The following MAPK3 variants were observed in gnomAD, a reference collection of about 807,000 sequenced individuals.
The protein encoded by MAPK3 is MAPK 1.
Under a neutral mutation model 41.8 loss-of-function variants are expected in MAPK3, and 30 were observed. That is an observed-to-expected ratio of 0.72 (90% confidence interval 0.54 to 0.97). The LOEUF (loss-of-function observed/expected upper bound fraction) is 0.97, where lower values mean the gene tolerates loss of function less well. Ranked by LOEUF, MAPK3 falls within the 50% of genes least tolerant of loss-of-function variation. The pLI is 0.00. For synonymous variants in MAPK3, 222 were observed against 213.4 expected (o/e 1.04, Z -0.35); for missense variants, 413 against 509.9 (o/e 0.81, Z 1.83).
Position 30,122,003 on chromosome 16 carries a change from C to A in MAPK3, c.174G>T (p.Ser58=). 6.2e-7 allele frequency: 1 copy of A among 1,613,952 alleles called. No individual in the cohort carries two copies. The highest frequency in any genetic ancestry group is 8.5e-7 in the Non-Finnish European group (1 of 1,180,026). The change falls in exon 2 of 9, where the codon TCG becomes TCT. Residue 58 remains serine (S), a synonymous_variant. Transcript: ENST00000263025. Reference sequence around the variant, plus strand: ...GAGTCTTGCGCACGTGGTCATAGGCCGAGCTGAGGGGACCGGAGAGAGGCT... The same window carrying A: ...GAGTCTTGCGCACGTGGTCATAGGCAGAGCTGAGGGGACCGGAGAGAGGCT... ...IGEGAYGMVS[S]AYDHVRKTRV...
In MAPK3 at chr16:30,123,201, C is replaced by T; in HGVS notation, c.9G>A (p.Ala3=). MA[A]AAAQGGGGGE... is the part of the protein sequence containing the mutation. Reference sequence around the variant, plus strand: ...CGCCCCCGCCCCCCTGAGCCGCCGCCGCCGCCATCTCCACTCCTCCCCTCC... The same window carrying T: ...CGCCCCCGCCCCCCTGAGCCGCCGCTGCCGCCATCTCCACTCCTCCCCTCC... The change falls in exon 1 of 9, where the codon GCG becomes GCA. Residue 3 remains alanine, a synonymous_variant. Transcript: ENST00000263025. 2 of 1,249,768 alleles carry T rather than the reference C, an allele frequency of 1.6e-6. No individual in the cohort carries two copies. The highest frequency in any genetic ancestry group is 2.1e-6 in the Non-Finnish European group (2 of 943,542). 77.4% of individuals were successfully genotyped at this position (1,249,768 alleles called of 1,614,324 possible). A position where few individuals can be genotyped will look rare whatever the true frequency, so the allele number is the denominator to read the frequency against.
rs2072929776 is a variant in MAPK3, at chr16:30,114,144, G to A, written c.*597C>T. On this transcript the variant is annotated 3_prime_UTR_variant, in exon 9 of 9. Transcript: ENST00000263025. ...ATCTCTATATTTATATATTAGACGG[G>A]TCAGGGAGGTGGCAGGGGCGCCGGG... 1 of 152,286 alleles carries A rather than the reference G, an allele frequency of 6.6e-6. No homozygotes were observed. The highest frequency in any genetic ancestry group is 1.5e-5 in the Non-Finnish European group (1 of 68,100). 9.4% of individuals were successfully genotyped at this position (152,286 alleles called of 1,614,324 possible). A position where few individuals can be genotyped will look rare whatever the true frequency, so the allele number is the denominator to read the frequency against.
chr16:30,115,756 A>AT (rs544098757), intron 8 of MAPK3: 5,361 of 134,452 alleles, frequency 0.04, 327 homozygotes, highest in African/African-American at 0.13. Flanking sequence ...AGCCTTGGGC[A>AT]TTTTTTTTTT....
At chr16:30,120,310 G>T (rs2151046902) in intron 2 of MAPK3, among the ~76,000 whole-genome samples, 1 of 152,308 alleles carries the variant, frequency 6.6e-6, no homozygotes. Flanking sequence ...CAGCGAGCTG[G>T]GGGTGAGCAC....
intron 1 of MAPK3, chr16:30,122,253 T>C: frequency 1.8e-6 from 1 of 562,996 alleles, no homozygotes; most frequent in East Asian, 3.1e-5. Context: ...TGACTTCCCC[T>C]CTCCTCAATC....
At chr16:30,119,301 TG>T (rs1424290362) in intron 2 of MAPK3, among the ~76,000 whole-genome samples, 2 of 152,020 alleles carry the variant, frequency 1.3e-5, no homozygotes, top group Non-Finnish European at 1.5e-5. Context: ...GGGGAAATAA[TG>T]TTTTTTTGTT....
At chr16:30,122,970 G>A in intron 1 of MAPK3, 70 bp downstream of exon 1, 1 of 1,288,396 alleles carries the variant, frequency 7.8e-7, no homozygotes, top group Non-Finnish European at 1.0e-6. Flanking sequence ...AAAGCGCTCG[G>A]CGCCTCCTCC....
chr16:30,123,030 GC>G lies in MAPK3; in HGVS notation c.170+9del, dbSNP rs2073033148. ...CTGAGGGCACCCCCTCCCCCGGAAC[GC>G]CCCCTCACCTGACCATGCCGTACGC... On this transcript the variant is annotated intron_variant, in intron 1 of 8. Coordinates refer to ENST00000263025, the MANE Select transcript of MAPK3 (RefSeq NM_002746.3). The G allele has an allele frequency of 4.7e-6, 5 of 1,062,466 alleles. No individual in the cohort carries two copies. The highest frequency in any genetic ancestry group is 4.9e-6 in the Non-Finnish European group (4 of 823,010). The allele number at this position is 1,062,466 out of a possible 1,614,324, so 65.8% of individuals were successfully genotyped here. A position where few individuals can be genotyped will look rare whatever the true frequency, so the allele number is the denominator to read the frequency against.
Position 30,123,184 on chromosome 16 carries a change from C to T in MAPK3, c.26G>A (p.Gly9Asp), listed in dbSNP as rs559183760. The T allele has an allele frequency of 4.3e-5, 56 of 1,299,618 alleles. No individual in the cohort carries two copies. The South Asian group carries it at 8.3e-4, about 19-fold the overall frequency. 80.5% of individuals were successfully genotyped at this position (1,299,618 alleles called of 1,614,324 possible). A position where few individuals can be genotyped will look rare whatever the true frequency, so the allele number is the denominator to read the frequency against. MAAAAAQGGGGGEPRRTEG... is the reference protein window; with the variant it reads MAAAAAQGDGGGEPRRTEG... ...GGTTCTACGGGGCTCCCCGCCCCCG[C>T]CCCCCTGAGCCGCCGCCGCCGCCAT... The change falls in exon 1 of 9, where the codon GGC becomes GAC. Residue 9 changes from glycine (G) to aspartate (D), a missense_variant. By Grantham distance (94) the Gly-to-Asp change is moderately conservative (BLOSUM62 -1). Transcript: ENST00000263025.
chr16:30,122,907 G>T, intron 1 of MAPK3, 133 bp downstream of exon 1: 1 of 764,846 alleles, frequency 1.3e-6, no homozygotes. Flanking sequence ...GGACGCTCCC[G>T]ATCATCCCGA....
Position 30,121,979 on chromosome 16 carries a change from A to G in MAPK3, c.198T>C (p.Thr66=). ...VSSAYDHVRK[T]RVAIKKISPF... is the part of the protein sequence containing the mutation. ...GGCTGATCTTCTTGATGGCCACGCG[A>G]GTCTTGCGCACGTGGTCATAGGCCG... The change falls in exon 2 of 9, where the codon ACT becomes ACC. Residue 66 remains threonine (T), a synonymous_variant. Coordinates refer to ENST00000263025, the MANE Select transcript of MAPK3 (RefSeq NM_002746.3). 6.2e-7 allele frequency: 1 copy of G among 1,614,126 alleles called. No homozygotes were observed. Among genetic ancestry groups the G allele is most frequent in the Non-Finnish European group, 8.5e-7 (1 of 1,180,038 alleles).
intron 8 of MAPK3, among the ~76,000 whole-genome samples, chr16:30,115,406 C>A (rs1173032150): frequency 6.6e-6 from 1 of 152,154 alleles, no homozygotes; most frequent in Non-Finnish European, 1.5e-5. Context: ...CCGGAGGAGG[C>A]AAGGAGGCAG....
chr16:30,122,939 C>T, intron 1 of MAPK3, 101 bp downstream of exon 1: 1 of 1,103,018 alleles, frequency 9.1e-7, no homozygotes, highest in Non-Finnish European at 1.2e-6. Flanking sequence ...CCTCGGGACG[C>T]TCCGCGTCTC....
chr16:30,117,770 G>T lies in MAPK3; in HGVS notation c.675C>A (p.Ser225=), dbSNP rs1192818300. Residue 225 remains serine (S), a synonymous_variant, in exon 5 of 9, where the codon TCC becomes TCA. Transcript: ENST00000263025. ...IMLNSKGYTK[S]IDIWSVGCIL... is the part of the protein sequence containing the mutation. ...TGCAGCCCACAGACCAGATGTCGAT[G>T]GACTTGGTATAGCCCTGGGGGAGAG... 1 of 1,613,726 alleles carries T rather than the reference G, an allele frequency of 6.2e-7. No individual in the cohort carries two copies. Among genetic ancestry groups the T allele is most frequent in the African/African-American group, 1.3e-5 (1 of 75,008 alleles).
intron 5 of MAPK3, 102 bp downstream of exon 5, chr16:30,117,568 G>A: frequency 1.1e-6 from 1 of 904,634 alleles, no homozygotes. Flanking sequence ...ATGAGATGCT[G>A]GAGGCACCCC....
intron 2 of MAPK3, 106 bp from the exon 3 acceptor site, chr16:30,118,644 C>T (rs538126725): frequency 6.9e-6 from 6 of 864,680 alleles, no homozygotes; most frequent in East Asian, 5.3e-5. Context: ...CAGCCAGGGC[C>T]CCTGGGACTC....
chr16:30,119,255 A>G (rs2072992558), intron 2 of MAPK3, among the ~76,000 whole-genome samples: 1 of 151,638 alleles, frequency 6.6e-6, no homozygotes, highest in African/African-American at 2.4e-5. Context: ...TAGGATCTCA[A>G]CCTGTCTGTG....
Position 30,116,968 on chromosome 16 carries a change from G to A in MAPK3, c.943C>T (p.Pro315Ser), listed in dbSNP as rs2072963012. The stretch of plus-strand genomic sequence containing the variant: ...TCCTCCACTGTGATCCGTTTATTGG[G>A]GTTAAAGGTTAACATCCGGTCCAGC... ...DLLDRMLTFN[P>S]NKRITVEEAL... is the part of the protein sequence containing the mutation. The change falls in exon 7 of 9, where the codon CCC (proline) becomes TCC (serine). Residue 315 changes from proline (P) to serine (S), a missense_variant. Transcript: ENST00000263025. 2 of 1,611,188 alleles carry A rather than the reference G, an allele frequency of 1.2e-6. No homozygotes were observed. Among genetic ancestry groups the A allele is most frequent in the South Asian group, 1.1e-5 (1 of 90,722 alleles).
Position 30,119,223 on chromosome 16 carries a change from CCT to C in MAPK3, c.354-687_354-686del, listed in dbSNP as rs1290249290. On this transcript the variant is annotated intron_variant, in intron 2 of 8. Transcript: ENST00000263025. ...GTTAACCCATGGATGTCTGAAATCT[CCT>C]CTCTACTACTCACTGGCTTTAGGAT... 2.6e-5 allele frequency among the ~76,000 whole-genome samples: 4 copies of C among 151,894 alleles called. No individual in the cohort carries two copies. The East Asian group carries it at 5.8e-4, about 22-fold the overall frequency.
Sources: gnomAD v4.1 joint callset for allele counts (sites outside exome capture counted in the v4.1 genomes callset) on GRCh38, gnomAD v4.1.1 for gene constraint, MANE v1.5 for transcripts, NCBI Gene and HGNC (gene_info 2026-07-23, HGNC 2026-07-21) for gene names.